Variants in LTBP1 observed in about 807,000 individuals in gnomAD.
The protein encoded by LTBP1 is latent transforming growth factor beta binding protein 1.
LTBP1 carries 129 observed loss-of-function variants against 207.6 expected under a neutral mutation model. The ratio of observed to expected loss-of-function variants is 0.62; its 90% CI spans 0.54 to 0.72. The LOEUF (loss-of-function observed/expected upper bound fraction) is 0.72, where lower values mean the gene tolerates loss of function less well. Among genes scored for constraint, LTBP1 ranks in the 30% least tolerant of loss-of-function variants. LTBP1 has a pLI of 0.00. For synonymous variants in LTBP1, 963 were observed against 833.7 expected (o/e 1.16, Z -2.67); for missense variants, 2,281 against 2,217.2 (o/e 1.03, Z -0.58).
chr2:32,982,806 C>T (rs1409349434), intron 2 of LTBP1, among the ~76,000 whole-genome samples: 1 of 152,216 alleles, frequency 6.6e-6, no homozygotes, highest in Non-Finnish European at 1.5e-5. Context: ...GTTTGGGAAC[C>T]TCCGCCTAGA....
intron 3 of LTBP1, among the ~76,000 whole-genome samples, chr2:33,050,233 C>T (rs1201606791): frequency 6.7e-6 from 1 of 148,180 alleles, no homozygotes; most frequent in African/African-American, 2.5e-5. Flanking sequence ...TGCTGAGAAC[C>T]TTTTAATAAA....
chr2:33,342,133 G>A (rs2094634746), intron 24 of LTBP1, among the ~76,000 whole-genome samples: 1 of 152,130 alleles, frequency 6.6e-6, no homozygotes, highest in South Asian at 2.1e-4. Flanking sequence ...TGCAATTGAG[G>A]CATCACTTTT....
intron 7 of LTBP1, among the ~76,000 whole-genome samples, chr2:33,208,504 C>A (rs139754539): frequency 2.0e-5 from 3 of 152,096 alleles, no homozygotes; most frequent in African/African-American, 7.2e-5. Flanking sequence ...AAAGGCAGCC[C>A]ATTATTATGG....
At chr2:33,050,177 C>T (rs1305149199) in intron 3 of LTBP1, among the ~76,000 whole-genome samples, 3 of 131,958 alleles carry the variant, frequency 2.3e-5, no homozygotes, top group African/African-American at 5.8e-5. Context: ...TTCCCTAGAA[C>T]GGTGTATGAT....
chr2:33,195,291 A>C (rs1209012250), intron 7 of LTBP1, among the ~76,000 whole-genome samples: 1 of 152,238 alleles, frequency 6.6e-6, no homozygotes, highest in African/African-American at 2.4e-5. Context: ...GGATCTGGGC[A>C]AAGTAAATAA....
intron 26 of LTBP1, among the ~76,000 whole-genome samples, chr2:33,352,086 A>G (rs2094789350): frequency 6.6e-6 from 1 of 152,006 alleles, no homozygotes; most frequent in South Asian, 2.1e-4. Context: ...CAGTTATTCA[A>G]ACCTAAATTA....
intron 5 of LTBP1, among the ~76,000 whole-genome samples, chr2:33,140,323 A>G (rs957741619): frequency 2.6e-5 from 4 of 152,204 alleles, no homozygotes; most frequent in African/African-American, 9.6e-5. Flanking sequence ...AACTTAGTTC[A>G]GTCACTGAGT....
chr2:33,266,354 A>C (rs2093175957), intron 15 of LTBP1, among the ~76,000 whole-genome samples: 1 of 152,110 alleles, frequency 6.6e-6, no homozygotes, highest in Admixed American at 6.5e-5. Flanking sequence ...CCTCAGCATG[A>C]ATAGCCTGGG....
chr2:33,233,955 T>G (rs917226329), intron 9 of LTBP1, among the ~76,000 whole-genome samples: 15 of 152,092 alleles, frequency 9.9e-5, no homozygotes, highest in African/African-American at 3.1e-4. Context: ...AGTAGTGGTT[T>G]GTGTGTGTCT....
intron 5 of LTBP1, among the ~76,000 whole-genome samples, chr2:33,173,499 G>T (rs374046713): frequency 6.6e-6 from 1 of 152,130 alleles, no homozygotes; most frequent in Non-Finnish European, 1.5e-5. Context: ...GCTCTGAAAT[G>T]GTGGCAATAA....
At chr2:33,102,034 A>G (rs1024552186) in intron 3 of LTBP1, among the ~76,000 whole-genome samples, 4 of 152,156 alleles carry the variant, frequency 2.6e-5, no homozygotes, top group African/African-American at 9.7e-5. Context: ...ACTTGAGTAT[A>G]GGGCCACCTC....
At chr2:33,090,053 C>T (rs556132003) in intron 3 of LTBP1, among the ~76,000 whole-genome samples, 2 of 152,242 alleles carry the variant, frequency 1.3e-5, no homozygotes, top group East Asian at 1.9e-4. Flanking sequence ...ACATTTAACC[C>T]GCATTTTAGA....
At chr2:33,369,512 G>C (rs534714371) in intron 31 of LTBP1, among the ~76,000 whole-genome samples, 5 of 152,102 alleles carry the variant, frequency 3.3e-5, no homozygotes, top group Non-Finnish European at 7.3e-5. Context: ...AACTGCTTTC[G>C]AAATATATCT....
At chr2:33,148,238 C>T (rs544847605) in intron 5 of LTBP1, among the ~76,000 whole-genome samples, 68 of 152,234 alleles carry the variant, frequency 4.5e-4, no homozygotes, top group African/African-American at 1.3e-3. Flanking sequence ...AGCATTTTGA[C>T]GATATTTGAG....
chr2:33,022,902 A>G (rs992319498), intron 3 of LTBP1, among the ~76,000 whole-genome samples: 1 of 151,986 alleles, frequency 6.6e-6, no homozygotes, highest in African/African-American at 2.4e-5. Flanking sequence ...TCTTTTTTAA[A>G]TTTTTTTCTC....
At chr2:33,260,661 A>G (rs1222615462) in intron 13 of LTBP1, among the ~76,000 whole-genome samples, 1 of 152,204 alleles carries the variant, frequency 6.6e-6, no homozygotes, top group Non-Finnish European at 1.5e-5. Flanking sequence ...TTGAGACCAA[A>G]AAATGTATAA....
At chr2:33,078,862 C>CTTTTCTTTT (rs1367646259) in intron 3 of LTBP1, among the ~76,000 whole-genome samples, 13 of 106,864 alleles carry the variant, frequency 1.2e-4, no homozygotes, top group Non-Finnish European at 2.0e-4. Context: ...CTTTTCTTTT[C>CTTTTCTTTT]TTTTTTTTTT....
intron 26 of LTBP1, among the ~76,000 whole-genome samples, chr2:33,359,557 T>G (rs1426202813): frequency 2.6e-5 from 4 of 152,216 alleles, no homozygotes; most frequent in Non-Finnish European, 4.4e-5. Context: ...ACCTTAGAGT[T>G]TGAGTCCCAA....
At chr2:33,323,950 C>T (rs1156815389) in intron 24 of LTBP1, among the ~76,000 whole-genome samples, 1 of 152,140 alleles carries the variant, frequency 6.6e-6, no homozygotes, top group Non-Finnish European at 1.5e-5. Flanking sequence ...TCCAGCACTT[C>T]TAAGCTGTGT....
Sources: allele counts gnomAD v4.1 joint callset (sites outside exome capture counted in the v4.1 genomes callset), GRCh38; gene constraint gnomAD v4.1.1; transcripts MANE v1.5; gene names NCBI Gene and HGNC (gene_info 2026-07-23, HGNC 2026-07-21).